Variants in CELF2 observed in about 807,000 individuals in gnomAD.
CELF2 encodes the protein CUG triplet repeat RNA-binding protein 2.
Under a neutral mutation model 62.6 loss-of-function variants are expected in CELF2, and 8 were observed. That is an observed-to-expected ratio of 0.13 (90% CI 0.07 to 0.23). The LOEUF (loss-of-function observed/expected upper bound fraction) is 0.23, where lower values mean the gene tolerates loss of function less well. Ranked by LOEUF, CELF2 falls within the 10% of genes least tolerant of loss-of-function variation. The pLI is 1.00. For synonymous variants in CELF2, 258 were observed against 250.0 expected (o/e 1.03, Z -0.30); for missense variants, 333 against 671.0 (o/e 0.50, Z 5.56).
chr10:11,255,555 G>A lies in CELF2; in HGVS notation c.404-2183G>A, dbSNP rs1423586103. ...GCCTTTCTCAAACACCTGGGTGCAC[G>A]ATTCGTAGTTTACAAGTATTGTGGA... On this transcript the variant is annotated intron_variant, in intron 4 of 12. Transcript: ENST00000633077. The surrounding 1 kb of genome is among the most constrained non-coding windows in gnomAD (Gnocchi z 5.5). 2.6e-5 allele frequency among the ~76,000 whole-genome samples: 4 copies of A among 152,114 alleles called. No individual in the cohort carries two copies. The highest frequency in any genetic ancestry group is 4.8e-5 in the African/African-American group (2 of 41,414).
intron 1 of CELF2, among the ~76,000 whole-genome samples, chr10:11,135,638 A>AC (rs2060312661): frequency 1.3e-5 from 2 of 152,266 alleles, no homozygotes; most frequent in Non-Finnish European, 2.9e-5. Context: ...GTCAATTTTG[A>AC]GTCCTAGAGT....
rs193228766 is a variant in CELF2, at chr10:10,803,415, G to T, written c.53+4598G>T. 6.4e-4 allele frequency among the ~76,000 whole-genome samples: 98 copies of T among 152,276 alleles called. 1 individual carries two copies. Among genetic ancestry groups the T allele is most frequent in the Admixed American group, 6.4e-3 (98 of 15,298 alleles). Reference sequence around the variant, plus strand: ...GGTCTTTCTCTTTCTCAGTTATGCAGCCAGGCTATTTTGGCTTGATTTTCA... The same window carrying T: ...GGTCTTTCTCTTTCTCAGTTATGCATCCAGGCTATTTTGGCTTGATTTTCA... On this transcript the variant is annotated intron_variant, in intron 1 of 13. Coordinates refer to the CELF2 transcript ENST00000636488.
chr10:11,171,847 T>G (rs1206651046), intron 2 of CELF2, among the ~76,000 whole-genome samples: 1 of 152,246 alleles, frequency 6.6e-6, no homozygotes, highest in Non-Finnish European at 1.5e-5. Context: ...ATTTGTTTCT[T>G]CTTTAAAATG....
At chr10:11,034,319 G>A (rs1221042194) in intron 1 of CELF2, among the ~76,000 whole-genome samples, 2 of 151,788 alleles carry the variant, frequency 1.3e-5, no homozygotes, top group Non-Finnish European at 2.9e-5. Flanking sequence ...CTGTAGATCA[G>A]GTGAGGTAAA....
chr10:10,476,452 A>G, the CELF2 span, among the ~76,000 whole-genome samples: 2 of 152,084 alleles, frequency 1.3e-5, no homozygotes, highest in Admixed American at 1.3e-4. Context: ...GGGACAAGGG[A>G]TTTGATCCAA....
the CELF2 span, among the ~76,000 whole-genome samples, chr10:10,732,067 C>T: frequency 6.6e-6 from 1 of 152,082 alleles, no homozygotes; most frequent in African/African-American, 2.4e-5. Flanking sequence ...GAAAAGGGAA[C>T]AAAAACCCCT....
the CELF2 span, among the ~76,000 whole-genome samples, chr10:10,583,213 C>T: frequency 3.3e-5 from 5 of 152,104 alleles, no homozygotes; most frequent in African/African-American, 1.2e-4. Context: ...CAATGAGGTC[C>T]CATCAACACC....
the CELF2 span, among the ~76,000 whole-genome samples, chr10:10,709,980 G>A: frequency 6.6e-6 from 1 of 152,194 alleles, no homozygotes; most frequent in Non-Finnish European, 1.5e-5. Context: ...GTGCTTGTGC[G>A]AATAACAAGA....
chr10:11,210,919 T>C (rs1431521292), intron 2 of CELF2, among the ~76,000 whole-genome samples: 1 of 151,934 alleles, frequency 6.6e-6, no homozygotes, highest in Non-Finnish European at 1.5e-5. Flanking sequence ...TGTACAAAGA[T>C]TATGTGTCAA....
chr10:10,544,440 G>A, the CELF2 span, among the ~76,000 whole-genome samples: 149 of 152,326 alleles, frequency 9.8e-4, 1 homozygote, highest in South Asian at 4.6e-3. Flanking sequence ...TGAACAAACG[G>A]GTTTTCGCTC....
chr10:11,189,194 G>A (rs56698267), intron 2 of CELF2, among the ~76,000 whole-genome samples: 3,741 of 152,212 alleles, frequency 0.025, 146 homozygotes, highest in African/African-American at 0.084. Flanking sequence ...TCTTTTTGGA[G>A]GGCTCTTTGT....
chr10:10,614,691 T>C, the CELF2 span, among the ~76,000 whole-genome samples: 2 of 152,166 alleles, frequency 1.3e-5, no homozygotes, highest in African/African-American at 2.4e-5. Flanking sequence ...CTTATCTTCA[T>C]GTCACTGTCC....
intron 1 of CELF2, among the ~76,000 whole-genome samples, chr10:11,079,585 C>T (rs1403868640): frequency 6.6e-6 from 1 of 152,226 alleles, no homozygotes; most frequent in Non-Finnish European, 1.5e-5. Flanking sequence ...GGCATTCATT[C>T]TCACTCCTGC....
intron 1 of CELF2, among the ~76,000 whole-genome samples, chr10:10,823,440 A>G (rs147718523): frequency 3.3e-5 from 5 of 152,276 alleles, no homozygotes; most frequent in Non-Finnish European, 7.4e-5. Context: ...TCCTTAACAC[A>G]CTGTGTGACC....
At chr10:10,483,889 G>GTCTCTCTCTCATCTCTCTGTGTCTCA in the CELF2 span, among the ~76,000 whole-genome samples, 280 of 145,238 alleles carry the variant, frequency 1.9e-3, 2 homozygotes, top group African/African-American at 6.9e-3. Context: ...TCTCTCTCTC[G>GTCTCTCTCTCATCTCTCTGTGTCTCA]TCTCTCTCTC....
the CELF2 span, among the ~76,000 whole-genome samples, chr10:10,607,248 G>GT: frequency 6.6e-6 from 1 of 151,998 alleles, no homozygotes; most frequent in Non-Finnish European, 1.5e-5. Flanking sequence ...TCATCATGTG[G>GT]TTTTTGTTCA....
chr10:11,103,182 T>A (rs996872528), intron 1 of CELF2, among the ~76,000 whole-genome samples: 1 of 152,116 alleles, frequency 6.6e-6, no homozygotes, highest in African/African-American at 2.4e-5. Flanking sequence ...CACCCATTTA[T>A]CAGAATTCGA....
At chr10:10,911,332 T>C (rs770695513) in intron 1 of CELF2, among the ~76,000 whole-genome samples, 4 of 152,252 alleles carry the variant, frequency 2.6e-5, no homozygotes, top group Non-Finnish European at 4.4e-5. Context: ...CACTTGTGGC[T>C]CTTTTATAGA....
chr10:10,806,784 C>G (rs1434867316), intron 1 of CELF2, among the ~76,000 whole-genome samples: 1 of 152,142 alleles, frequency 6.6e-6, no homozygotes, highest in Admixed American at 6.5e-5. Context: ...GTCACCCACT[C>G]AAGAAAACTA....
Sources: gnomAD v4.1 joint callset for allele counts (sites outside exome capture counted in the v4.1 genomes callset) on GRCh38, gnomAD v4.1.1 for gene constraint, Gnocchi (gnomAD v3.1) non-coding constraint, MANE v1.5 for transcripts, NCBI Gene and HGNC (gene_info 2026-07-23, HGNC 2026-07-21) for gene names.